DSG4: variants seen among roughly 807,000 people sequenced by gnomAD.
The protein encoded by DSG4 is desmoglein 4, also known as desmoglein-4.
In DSG4, 87 loss-of-function variants were observed where a neutral mutation model predicts 93.1. The ratio of observed to expected loss-of-function variants is 0.93; its 90% CI spans 0.79 to 1.12. The LOEUF (loss-of-function observed/expected upper bound fraction) is 1.12, where lower values mean the gene tolerates loss of function less well. Among genes scored for constraint, DSG4 ranks in the 50% most tolerant of loss-of-function variants. The probability of loss-of-function intolerance (pLI) is 0.00; values close to 1 mark genes in which losing one functional copy is unlikely to be tolerated. For synonymous variants in DSG4, 432 were observed against 452.9 expected, an observed-to-expected ratio of 0.95 and a Z score of 0.59; for missense variants, 1,373 against 1,285.7, an observed-to-expected ratio of 1.07 and a Z score of -1.04.
intron 9 of DSG4, among the ~76,000 whole-genome samples, chr18:31,400,518 A>T (rs2072353242): frequency 6.6e-6 from 1 of 152,236 alleles, no homozygotes; most frequent in African/African-American, 2.4e-5. Context: ...CCACAAAAAA[A>T]ATCCTAAGTA....
At chr18:31,385,290 A>G (rs2072175650) in intron 2 of DSG4, 119 bp downstream of exon 2, 3 of 721,382 alleles carry the variant, frequency 4.2e-6, no homozygotes, top group Admixed American at 6.0e-5. Flanking sequence ...AAAAGTTAAG[A>G]GAAAGAACTA....
intron 1 of DSG4, among the ~76,000 whole-genome samples, chr18:31,377,623 G>T (rs978089966): frequency 3.3e-5 from 5 of 152,016 alleles, no homozygotes; most frequent in African/African-American, 1.2e-4. Context: ...TCTAACCTTT[G>T]GGTGCCCAAG....
intron 12 of DSG4, 119 bp from the exon 13 acceptor site, chr18:31,409,333 A>C (rs2072459989): frequency 3.4e-6 from 5 of 1,461,916 alleles, no homozygotes; most frequent in Non-Finnish European, 3.8e-6. Context: ...ATTTTCTTAC[A>C]TATATTTGTA....
At chr18:31,383,146 T>C (rs1284376721) in intron 1 of DSG4, among the ~76,000 whole-genome samples, 2 of 152,202 alleles carry the variant, frequency 1.3e-5, no homozygotes, top group African/African-American at 4.8e-5. Context: ...TCTTTACAAA[T>C]GTACTGAGCA....
At chr18:31,399,142 TCAA>T in intron 8 of DSG4, 127 bp from the exon 9 acceptor site, 1 of 1,233,016 alleles carries the variant, frequency 8.1e-7, no homozygotes, top group Admixed American at 2.2e-5. Context: ...AAAATTTTTT[TCAA>T]TTCAAAATCT....
At chr18:31,406,405 A>T (rs1314823677) in intron 12 of DSG4, 32 bp downstream of exon 12, 1 of 1,613,434 alleles carries the variant, frequency 6.2e-7, no homozygotes, top group Admixed American at 1.7e-5. Flanking sequence ...TCTTTTCAAT[A>T]GTTCTTCAAA....
At chr18:31,409,708 A>C in intron 13 of DSG4, 37 bp from the exon 14 acceptor site, 1 of 1,614,082 alleles carries the variant, frequency 6.2e-7, no homozygotes, top group Non-Finnish European at 8.5e-7. Flanking sequence ...GTTTAACATA[A>C]AGCGTTTGTT....
chr18:31,408,568 G>A (rs781556634), intron 12 of DSG4, among the ~76,000 whole-genome samples: 3 of 151,944 alleles, frequency 2.0e-5, no homozygotes, highest in Admixed American at 6.6e-5. Flanking sequence ...AATTTTTGTG[G>A]GTACATAATA....
chr18:31,401,172 A>C lies in DSG4; in HGVS notation c.1417+152A>C, dbSNP rs1271449093. ...CCTAAACACCTTAAATCAAGAATTGAAGTCAATTAAAATCATAATTTACAC... is the reference window on the plus strand; with the variant it reads ...CCTAAACACCTTAAATCAAGAATTGCAGTCAATTAAAATCATAATTTACAC... On this transcript the variant is annotated intron_variant, in intron 10 of 15. Coordinates refer to ENST00000308128, the MANE Select transcript of DSG4 (RefSeq NM_177986.5). 9.9e-6 allele frequency: 6 copies of C among 604,888 alleles called. No homozygotes were observed. The Admixed American group carries it at 2.2e-4, about 22-fold the overall frequency. The allele number at this position is 604,888 out of a possible 1,614,324, so 37.5% of individuals were successfully genotyped here.
rs1445529833 is a variant in DSG4, at chr18:31,412,825, T to C, written c.2356-3T>C. On this transcript the variant is annotated splice_region_variant and splice_polypyrimidine_tract_variant and intron_variant, in intron 15 of 15. Coordinates refer to ENST00000308128, the MANE Select transcript of DSG4 (RefSeq NM_177986.5). ...CTAATTCTGTATTTCCTTTTAATTTTAGAAAGCGTATGCTTATGCAGATGA... is the reference window on the plus strand; with the variant it reads ...CTAATTCTGTATTTCCTTTTAATTTCAGAAAGCGTATGCTTATGCAGATGA... 3 of 1,614,142 alleles carry C rather than the reference T, an allele frequency of 1.9e-6. No homozygotes were observed. The highest frequency in any genetic ancestry group is 2.5e-6 in the Non-Finnish European group (3 of 1,180,026).
Position 31,413,851 on chromosome 18 carries a change from T to G in DSG4, c.*256T>G, listed in dbSNP as rs138873160. The G allele has an allele frequency of 1.1e-5, 5 of 440,002 alleles. No individual in the cohort carries two copies. In the East Asian group the frequency reaches 1.9e-4, roughly 17 times the overall value. The allele number at this position is 440,002 out of a possible 1,614,324, so 27.3% of individuals were successfully genotyped here. ...GAAAATGTATTGCATCCCTTGATAC[T>G]GTCTAACGAATAGCACATAACTCAT... On this transcript the variant is annotated 3_prime_UTR_variant, in exon 16 of 16. Transcript: ENST00000308128.
chr18:31,412,013 G>A (rs768175753), intron 15 of DSG4, among the ~76,000 whole-genome samples: 1 of 152,110 alleles, frequency 6.6e-6, no homozygotes, highest in Non-Finnish European at 1.5e-5. Flanking sequence ...TCCAGCAATA[G>A]CACTGCTGGG....
intron 6 of DSG4, 29 bp from the exon 7 acceptor site, chr18:31,391,049 G>C: frequency 6.2e-7 from 1 of 1,612,812 alleles, no homozygotes; most frequent in Non-Finnish European, 8.5e-7. Flanking sequence ...CAAAACCTAA[G>C]TCTTACGTTC....
chr18:31,393,466 G>A (rs557648930), intron 8 of DSG4, among the ~76,000 whole-genome samples: 5 of 152,270 alleles, frequency 3.3e-5, no homozygotes, highest in Non-Finnish European at 7.4e-5. Context: ...AAGGCAAAGG[G>A]GGAGCCAGTG....
chr18:31,399,565 T>G (rs377436125), intron 9 of DSG4, 22 bp downstream of exon 9: 9 of 1,613,480 alleles, frequency 5.6e-6, no homozygotes, highest in African/African-American at 2.7e-5. Flanking sequence ...ATTTTCTTCA[T>G]GTTCTATGGT....
At chr18:31,397,935 G>T (rs1339156784) in intron 8 of DSG4, among the ~76,000 whole-genome samples, 2 of 150,902 alleles carry the variant, frequency 1.3e-5, no homozygotes, top group African/African-American at 4.9e-5. Flanking sequence ...GCTGAGGCAG[G>T]AGAATTGCTT....
chr18:31,409,502 G>A lies in DSG4; in HGVS notation c.1984G>A (p.Gly662Ser), dbSNP rs775548243. ...LCCCKQRQPE[G>S]LGTRFAPVPE... The stretch of plus-strand genomic sequence containing the variant: ...TTGCTGCAAACAGAGACAGCCAGAA[G>A]GCCTGGGAACAAGATTTGCTCCTGT... Residue 662 changes from glycine to serine, a missense_variant, in exon 13 of 16, where the codon GGC becomes AGC. Gly to Ser is a moderately conservative substitution (Grantham distance 56). Transcript: ENST00000308128. The A allele has an allele frequency of 6.2e-7, 1 of 1,614,190 alleles. No homozygotes were observed. The highest frequency in any genetic ancestry group is 8.5e-7 in the Non-Finnish European group (1 of 1,180,042).
At chr18:31,406,046 T>C (rs368253036) in intron 11 of DSG4, 31 bp from the exon 12 acceptor site, 7 of 1,613,198 alleles carry the variant, frequency 4.3e-6, no homozygotes, top group Middle Eastern at 1.7e-4. Context: ...GGAATTTCCA[T>C]TTATTTTCTG....
intron 1 of DSG4, among the ~76,000 whole-genome samples, chr18:31,380,213 C>T (rs866059171): frequency 6.6e-6 from 1 of 152,114 alleles, no homozygotes; most frequent in Non-Finnish European, 1.5e-5. Flanking sequence ...GGATAAAAAT[C>T]CTGCCCTAAA....
Sources: gnomAD v4.1 joint callset for allele counts (sites outside exome capture counted in the v4.1 genomes callset) on GRCh38, gnomAD v4.1.1 for gene constraint, MANE v1.5 for transcripts, NCBI Gene and HGNC (gene_info 2026-07-23, HGNC 2026-07-21) for gene names.